The following FBXL17 variants were observed in gnomAD, a reference collection of about 807,000 sequenced individuals.
FBXL17 encodes F-box and leucine rich repeat protein 17.
FBXL17 carries 22 observed loss-of-function variants against 66.2 expected under a neutral mutation model. That is an observed-to-expected ratio of 0.33 (90% CI 0.24 to 0.47). FBXL17 has a LOEUF of 0.47. Among genes scored for constraint, FBXL17 ranks in the 20% least tolerant of loss-of-function variants. FBXL17 has a pLI of 1.00. For synonymous variants in FBXL17, 474 were observed against 400.5 expected (o/e 1.18, Z -2.19); for missense variants, 878 against 948.2 (o/e 0.93, Z 0.97).
At chr5:107,867,986 C>T (rs745317543) in intron 8 of FBXL17, among the ~76,000 whole-genome samples, 4 of 152,138 alleles carry the variant, frequency 2.6e-5, no homozygotes, top group Non-Finnish European at 5.9e-5. Context: ...TAATATTTTA[C>T]TCAAATAACC....
At chr5:107,911,527 C>T (rs1385140005) in intron 7 of FBXL17, among the ~76,000 whole-genome samples, 1 of 151,990 alleles carries the variant, frequency 6.6e-6, no homozygotes, top group African/African-American at 2.4e-5. Flanking sequence ...ACTCACACAC[C>T]TTGCAGCAAT....
intron 1 of FBXL17, among the ~76,000 whole-genome samples, chr5:108,377,341 T>C (rs1198595516): frequency 1.3e-5 from 2 of 152,220 alleles, no homozygotes; most frequent in Admixed American, 6.5e-5. Flanking sequence ...ACTCTTCCAC[T>C]CACCCCAACT....
At chr5:108,036,372 T>C (rs1746840152) in intron 6 of FBXL17, among the ~76,000 whole-genome samples, 1 of 152,162 alleles carries the variant, frequency 6.6e-6, no homozygotes, top group Non-Finnish European at 1.5e-5. Context: ...AGTCAGGGTG[T>C]CAAATAAACT....
intron 4 of FBXL17, among the ~76,000 whole-genome samples, chr5:108,343,371 A>G (rs1266082047): frequency 1.3e-5 from 2 of 152,204 alleles, no homozygotes; most frequent in African/African-American, 4.8e-5. Flanking sequence ...ACTGAAGGCG[A>G]GTATATACTC....
At chr5:108,304,743 T>C (rs2150185212) in intron 4 of FBXL17, among the ~76,000 whole-genome samples, 1 of 152,138 alleles carries the variant, frequency 6.6e-6, no homozygotes, top group Non-Finnish European at 1.5e-5. Context: ...CTCTCCCTCA[T>C]TTGGTATTTC....
chr5:108,368,515 TTC>T (rs1413021915), intron 1 of FBXL17, among the ~76,000 whole-genome samples: 2 of 152,042 alleles, frequency 1.3e-5, no homozygotes, highest in Non-Finnish European at 2.9e-5. Context: ...ATGTGGGACA[TTC>T]TACAAAATAC....
chr5:108,159,546 C>T (rs559643388), intron 6 of FBXL17, among the ~76,000 whole-genome samples: 23 of 152,260 alleles, frequency 1.5e-4, no homozygotes, highest in African/African-American at 5.5e-4. Context: ...TATGTGAGGA[C>T]TCAGTGAGAA....
At chr5:108,002,665 G>A (rs1753780852) in intron 7 of FBXL17, among the ~76,000 whole-genome samples, 1 of 152,040 alleles carries the variant, frequency 6.6e-6, no homozygotes, top group Non-Finnish European at 1.5e-5. Flanking sequence ...AAAAAAAGTG[G>A]TATAGCCATA....
intron 8 of FBXL17, among the ~76,000 whole-genome samples, chr5:107,870,363 A>C (rs1052355182): frequency 1.3e-4 from 20 of 152,152 alleles, no homozygotes; most frequent in African/African-American, 4.8e-4. Context: ...TCTGAAACAA[A>C]ATGTGTATTC....
intron 4 of FBXL17, among the ~76,000 whole-genome samples, chr5:108,259,275 A>C (rs754815642): frequency 3.9e-5 from 6 of 152,190 alleles, no homozygotes; most frequent in Non-Finnish European, 8.8e-5. Context: ...TCGATATGGG[A>C]TATGATGGTT....
intron 3 of FBXL17, among the ~76,000 whole-genome samples, chr5:108,353,322 G>A (rs986706800): frequency 1.1e-4 from 16 of 152,138 alleles, no homozygotes; most frequent in African/African-American, 2.7e-4. Context: ...AAACCTCAGC[G>A]GGAACCAGGG....
intron 6 of FBXL17, among the ~76,000 whole-genome samples, chr5:108,147,593 G>A (rs1168891772): frequency 6.6e-6 from 1 of 152,202 alleles, no homozygotes; most frequent in Non-Finnish European, 1.5e-5. Flanking sequence ...TAACACATAT[G>A]TAATTGGAAT....
chr5:108,160,436 C>A (rs1251805980), intron 6 of FBXL17, among the ~76,000 whole-genome samples: 1 of 152,170 alleles, frequency 6.6e-6, no homozygotes, highest in Non-Finnish European at 1.5e-5. Flanking sequence ...CAAACCACTA[C>A]TTTCTTGTGA....
At chr5:108,335,654 G>A (rs1339884315) in intron 4 of FBXL17, among the ~76,000 whole-genome samples, 2 of 151,964 alleles carry the variant, frequency 1.3e-5, no homozygotes, top group Non-Finnish European at 2.9e-5. Flanking sequence ...ACACTAGACT[G>A]AAAATGATTT....
chr5:108,357,649 A>G (rs1320255272), intron 3 of FBXL17, among the ~76,000 whole-genome samples: 1 of 152,094 alleles, frequency 6.6e-6, no homozygotes, highest in African/African-American at 2.4e-5. Context: ...ATACTGCAAT[A>G]GAAATAAAAT....
chr5:108,343,222 G>C (rs553164184), intron 4 of FBXL17, among the ~76,000 whole-genome samples: 1 of 152,272 alleles, frequency 6.6e-6, no homozygotes, highest in South Asian at 2.1e-4. Context: ...AGCAACCCAA[G>C]TGGACAAAGA....
chr5:108,185,546 T>C (rs375919137), intron 6 of FBXL17, among the ~76,000 whole-genome samples: 4 of 152,106 alleles, frequency 2.6e-5, no homozygotes, highest in Admixed American at 6.5e-5. Flanking sequence ...CAGTCTAAGG[T>C]AGTTCTTTAT....
rs375068441 is a variant in FBXL17 at position 107,966,750 on chromosome 5, T to C, written c.1822+54175A>G. Among the ~76,000 whole-genome samples, 3 of 152,254 alleles carry C rather than the reference T, an allele frequency of 2.0e-5. No homozygotes were observed. The South Asian group carries it at 6.2e-4, about 32-fold the overall frequency. On this transcript the variant is annotated intron_variant, in intron 7 of 8. Transcript: ENST00000542267. ...ACAATTCAGTGGCATCAATTACACT[T>C]ACCTTATTGTACAACTATCACCACA...
At chr5:108,015,782 G>A (rs1441688419) in intron 7 of FBXL17, among the ~76,000 whole-genome samples, 1 of 152,166 alleles carries the variant, frequency 6.6e-6, no homozygotes, top group Non-Finnish European at 1.5e-5. Context: ...ATCCCAAGGA[G>A]AGGTAGGGAA....
Sources: allele counts gnomAD v4.1 joint callset (sites outside exome capture counted in the v4.1 genomes callset), GRCh38; gene constraint gnomAD v4.1.1; transcripts MANE v1.5; gene names NCBI Gene and HGNC (gene_info 2026-07-23, HGNC 2026-07-21).